Variants in GALNT13 observed in about 807,000 individuals in gnomAD.
GALNT13 encodes the protein UDP-GalNAc:polypeptide N-acetylgalactosaminyltransferase 13.
GALNT13 carries 28 observed loss-of-function variants against 64.2 expected under a neutral mutation model. That is an observed-to-expected ratio of 0.44 (90% CI 0.32 to 0.60). GALNT13 has a LOEUF of 0.60. GALNT13 is among the 20% of genes least tolerant of loss of function. The pLI is 0.05. For synonymous variants in GALNT13, 214 were observed against 224.6 expected (o/e 0.95, Z 0.42); for missense variants, 577 against 669.8 (o/e 0.86, Z 1.53).
At chr2:154,082,177 T>G in intron 3 of GALNT13, among the ~76,000 whole-genome samples, 1 of 151,674 alleles carries the variant, frequency 6.6e-6, no homozygotes, top group East Asian at 1.9e-4. Flanking sequence ...CCTATATGAA[T>G]TTTGTTTTCA....
intron 3 of GALNT13, among the ~76,000 whole-genome samples, chr2:153,972,484 C>A (rs1693806429): frequency 6.6e-6 from 1 of 151,918 alleles, no homozygotes; most frequent in African/African-American, 2.4e-5. Flanking sequence ...TGGAAGTCCC[C>A]TTATTAGAAA....
the GALNT13 span, among the ~76,000 whole-genome samples, chr2:153,757,230 G>A: frequency 3.3e-5 from 5 of 151,936 alleles, no homozygotes; most frequent in Admixed American, 1.3e-4. Context: ...GCTTTCTTCC[G>A]TGTTAGCTTC....
intron 3 of GALNT13, among the ~76,000 whole-genome samples, chr2:154,026,169 G>T (rs116108038): frequency 2.1e-3 from 315 of 152,292 alleles, no homozygotes; most frequent in African/African-American, 7.3e-3. Context: ...TCTACTGGAA[G>T]AGTCCACACA....
At chr2:154,178,719 T>C (rs1308739779) in intron 4 of GALNT13, among the ~76,000 whole-genome samples, 1 of 152,158 alleles carries the variant, frequency 6.6e-6, no homozygotes, top group Non-Finnish European at 1.5e-5. Flanking sequence ...GGGTTTGCAA[T>C]AGCTTCTTAA....
At chr2:154,232,680 T>C (rs947711718) in intron 4 of GALNT13, among the ~76,000 whole-genome samples, 16 of 152,182 alleles carry the variant, frequency 1.1e-4, no homozygotes, top group South Asian at 1.0e-3. Flanking sequence ...CTCCACTACA[T>C]AGAAGCAAGT....
the GALNT13 span, among the ~76,000 whole-genome samples, chr2:153,173,517 G>A: frequency 6.6e-6 from 1 of 152,164 alleles, no homozygotes; most frequent in East Asian, 1.9e-4. Context: ...TCTTTCCTCT[G>A]TGTGTATCTG....
chr2:153,651,726 G>A, the GALNT13 span, among the ~76,000 whole-genome samples: 4 of 152,142 alleles, frequency 2.6e-5, no homozygotes, highest in Non-Finnish European at 5.9e-5. Context: ...GGCAGAGGTT[G>A]AGAAATGGTG....
At chr2:154,125,697 A>T (rs537229262) in intron 3 of GALNT13, among the ~76,000 whole-genome samples, 32 of 152,330 alleles carry the variant, frequency 2.1e-4, no homozygotes, top group Middle Eastern at 6.8e-3. Flanking sequence ...TGTCAATCTT[A>T]ATGAATTAAC....
At chr2:153,566,360 T>TTTTTTTTTTTTTTTTTTTTTTC in the GALNT13 span, among the ~76,000 whole-genome samples, 1 of 140,478 alleles carries the variant, frequency 7.1e-6, no homozygotes, top group African/African-American at 2.8e-5. Context: ...TTTTTTTTTT[T>TTTTTTTTTTTTTTTTTTTTTTC]TTTTTTTTTT....
At chr2:153,199,170 T>C in the GALNT13 span, among the ~76,000 whole-genome samples, 25,139 of 152,236 alleles carry the variant, frequency 0.17, 2,192 homozygotes, top group Non-Finnish European at 0.18. Context: ...GCCTGGCAAG[T>C]AGGCTTCTCC....
At chr2:153,985,057 G>T (rs975166206) in intron 3 of GALNT13, among the ~76,000 whole-genome samples, 2 of 151,976 alleles carry the variant, frequency 1.3e-5, no homozygotes, top group African/African-American at 2.4e-5. Flanking sequence ...TGGGAAAACA[G>T]TTCCATCTGT....
chr2:154,375,301 T>A (rs192761302), intron 9 of GALNT13, among the ~76,000 whole-genome samples: 73 of 151,362 alleles, frequency 4.8e-4, no homozygotes, highest in African/African-American at 1.8e-3. Context: ...AAAAAATTCT[T>A]AAGACTAGTA....
intron 4 of GALNT13, among the ~76,000 whole-genome samples, chr2:154,142,725 A>G (rs1444865936): frequency 2.0e-5 from 3 of 151,862 alleles, no homozygotes; most frequent in Non-Finnish European, 2.9e-5. Context: ...CATATTGTGG[A>G]CATTTTTGGC....
the GALNT13 span, among the ~76,000 whole-genome samples, chr2:153,632,812 G>A: frequency 6.6e-6 from 1 of 151,918 alleles, no homozygotes; most frequent in Non-Finnish European, 1.5e-5. Flanking sequence ...GAGTGAGGTG[G>A]GGCAATCTCA....
chr2:153,873,987 A>C (rs1040704265), intron 1 of GALNT13, among the ~76,000 whole-genome samples: 1 of 151,838 alleles, frequency 6.6e-6, no homozygotes, highest in South Asian at 2.1e-4. Flanking sequence ...TGGACCTCTC[A>C]CCTTCCGGGA....
chr2:153,869,213 AC>A (rs367889346), upstream of GALNT13, among the ~76,000 whole-genome samples: 23 of 152,184 alleles, frequency 1.5e-4, no homozygotes, highest in African/African-American at 5.3e-4. Context: ...TTAAATTAGG[AC>A]ACTTAATATT....
intron 1 of GALNT13, among the ~76,000 whole-genome samples, chr2:153,888,003 T>A (rs1687303667): frequency 6.6e-6 from 1 of 152,102 alleles, no homozygotes; most frequent in African/African-American, 2.4e-5. Flanking sequence ...GACTTTCTGC[T>A]TTTTTAATGT....
chr2:153,924,966 G>A (rs1018315562), intron 2 of GALNT13, among the ~76,000 whole-genome samples: 7 of 152,156 alleles, frequency 4.6e-5, no homozygotes, highest in African/African-American at 1.7e-4. Flanking sequence ...GCCTTTGTCA[G>A]ATGGATAGAT....
At chr2:153,232,335 G>A in the GALNT13 span, among the ~76,000 whole-genome samples, 1 of 152,304 alleles carries the variant, frequency 6.6e-6, no homozygotes, top group East Asian at 1.9e-4. Context: ...AATTCTTGGA[G>A]CCTGCTAAGA....
Sources: allele counts gnomAD v4.1 joint callset (sites outside exome capture counted in the v4.1 genomes callset), GRCh38; gene constraint gnomAD v4.1.1; transcripts MANE v1.5; gene names NCBI Gene and HGNC (gene_info 2026-07-23, HGNC 2026-07-21).